The following SCHIP1 variants were observed in gnomAD, a reference collection of about 807,000 sequenced individuals.
SCHIP1 encodes the protein schwannomin interacting protein 1.
A neutral mutation model predicts 29.7 loss-of-function variants in SCHIP1; 8 were observed. The ratio of observed to expected loss-of-function variants is 0.27; its 90% CI spans 0.16 to 0.49. SCHIP1 has a LOEUF of 0.49. Among genes scored for constraint, SCHIP1 ranks in the 20% least tolerant of loss-of-function variants. The pLI is 0.99. For synonymous variants in SCHIP1, 76 were observed against 94.9 expected (o/e 0.80, Z 1.16); for missense variants, 193 against 294.6 (o/e 0.66, Z 2.52).
At chr3:159,343,688 G>A in the SCHIP1 span, among the ~76,000 whole-genome samples, 3 of 152,154 alleles carry the variant, frequency 2.0e-5, no homozygotes, top group African/African-American at 7.2e-5. Flanking sequence ...TATGTCATCT[G>A]GAAGAGAAAG....
chr3:159,466,931 T>G, the SCHIP1 span, among the ~76,000 whole-genome samples: 1 of 152,204 alleles, frequency 6.6e-6, no homozygotes, highest in Non-Finnish European at 1.5e-5. Context: ...CTTCCTGTTT[T>G]GTTTTAGTCC....
chr3:159,820,316 C>A, the SCHIP1 span, among the ~76,000 whole-genome samples: 2 of 152,098 alleles, frequency 1.3e-5, no homozygotes, highest in African/African-American at 4.8e-5. Context: ...CCCCCACAAC[C>A]CTACCTTAAT....
At chr3:159,872,822 A>G (rs749721833) in intron 2 of SCHIP1, among the ~76,000 whole-genome samples, 5 of 152,196 alleles carry the variant, frequency 3.3e-5, no homozygotes, top group African/African-American at 7.2e-5. Context: ...TTCAGTTGCA[A>G]TTGTGTAACC....
At chr3:159,840,342 A>G in intron 1 of SCHIP1, 2 of 766,722 alleles carry the variant, frequency 2.6e-6, no homozygotes, top group Admixed American at 2.1e-5. Flanking sequence ...GGCCTTCATC[A>G]CGTGCAGTAT....
At chr3:159,716,512 T>A in the SCHIP1 span, among the ~76,000 whole-genome samples, 2 of 152,174 alleles carry the variant, frequency 1.3e-5, no homozygotes, top group Admixed American at 6.5e-5. Flanking sequence ...ACCCCTCTCA[T>A]GTGCAGAGAC....
At chr3:159,427,566 C>T in the SCHIP1 span, among the ~76,000 whole-genome samples, 5 of 152,038 alleles carry the variant, frequency 3.3e-5, no homozygotes, top group African/African-American at 7.2e-5. Flanking sequence ...AATGGAAGAA[C>T]ATTCCATGCT....
the SCHIP1 span, among the ~76,000 whole-genome samples, chr3:159,398,255 C>T: frequency 6.6e-6 from 1 of 152,148 alleles, no homozygotes; most frequent in African/African-American, 2.4e-5. Context: ...AACCCGGTAC[C>T]TCAGATGGAA....
chr3:159,301,807 T>C, the SCHIP1 span, among the ~76,000 whole-genome samples: 11 of 152,312 alleles, frequency 7.2e-5, no homozygotes, highest in Admixed American at 3.9e-4. Flanking sequence ...TAAACCTCTT[T>C]TCTTTATAAA....
chr3:159,556,110 C>T, the SCHIP1 span, among the ~76,000 whole-genome samples: 3 of 152,060 alleles, frequency 2.0e-5, no homozygotes, highest in African/African-American at 7.2e-5. Context: ...GGGCAAAGGA[C>T]ATGAACAGAC....
chr3:159,647,008 G>A, the SCHIP1 span, among the ~76,000 whole-genome samples: 231 of 152,138 alleles, frequency 1.5e-3, 1 homozygote, highest in African/African-American at 5.3e-3. Context: ...GCTAAGGATT[G>A]GAAGATAATG....
chr3:159,824,330 A>G, the SCHIP1 span, among the ~76,000 whole-genome samples: 2 of 152,156 alleles, frequency 1.3e-5, no homozygotes, highest in African/African-American at 4.8e-5. Context: ...GTTTCCTCCA[A>G]TGTGTATGTC....
the SCHIP1 span, among the ~76,000 whole-genome samples, chr3:159,362,061 T>C: frequency 6.6e-6 from 1 of 152,162 alleles, no homozygotes; most frequent in Non-Finnish European, 1.5e-5. Context: ...AGATCATCTA[T>C]CATGTTACTG....
chr3:159,325,335 T>C, the SCHIP1 span, among the ~76,000 whole-genome samples: 1 of 152,186 alleles, frequency 6.6e-6, no homozygotes, highest in Admixed American at 6.5e-5. Flanking sequence ...AGCAACACAC[T>C]TGTAAGCCAG....
chr3:159,370,906 C>G, the SCHIP1 span, among the ~76,000 whole-genome samples: 1 of 152,058 alleles, frequency 6.6e-6, no homozygotes, highest in Non-Finnish European at 1.5e-5. Context: ...ATTACACAAC[C>G]AGTTTTCTTA....
At chr3:159,603,004 C>A in the SCHIP1 span, among the ~76,000 whole-genome samples, 39 of 152,264 alleles carry the variant, frequency 2.6e-4, no homozygotes, top group African/African-American at 8.7e-4. Context: ...ACTTTCAATG[C>A]CAATTATAAG....
At chr3:159,398,485 G>A in the SCHIP1 span, among the ~76,000 whole-genome samples, 1 of 152,164 alleles carries the variant, frequency 6.6e-6, no homozygotes, top group Non-Finnish European at 1.5e-5. Flanking sequence ...ATATTCAATT[G>A]ACTTTTGTAA....
At chr3:159,591,276 G>T in the SCHIP1 span, among the ~76,000 whole-genome samples, 1 of 151,992 alleles carries the variant, frequency 6.6e-6, no homozygotes, top group Admixed American at 6.6e-5. Context: ...TTGCCTGATT[G>T]CCCTGGCCAG....
the SCHIP1 span, among the ~76,000 whole-genome samples, chr3:159,679,751 C>G: frequency 1.3e-5 from 2 of 152,096 alleles, no homozygotes; most frequent in Non-Finnish European, 2.9e-5. Context: ...GCTGGCGCAC[C>G]TCCTGCTGTC....
chr3:159,389,661 A>G, the SCHIP1 span, among the ~76,000 whole-genome samples: 1 of 152,080 alleles, frequency 6.6e-6, no homozygotes, highest in East Asian at 1.9e-4. Context: ...CAAACCAAGA[A>G]TAAGACAGAG....
Sources: gnomAD v4.1 joint callset for allele counts (sites outside exome capture counted in the v4.1 genomes callset) on GRCh38, gnomAD v4.1.1 for gene constraint, MANE v1.5 for transcripts, NCBI Gene and HGNC (gene_info 2026-07-23, HGNC 2026-07-21) for gene names.